Variants in ZNF438 observed in about 807,000 individuals in gnomAD.
ZNF438 encodes the protein zinc finger protein 438.
Under a neutral mutation model 38.0 loss-of-function variants are expected in ZNF438, and 25 were observed. That is an observed-to-expected ratio of 0.66 (90% confidence interval 0.48 to 0.92). ZNF438 has a LOEUF of 0.92. ZNF438 is among the 40% of genes least tolerant of loss of function. ZNF438 has a pLI of 0.00. For missense variants in ZNF438, 1,007 were observed against 999.6 expected (o/e 1.01, Z -0.10); for synonymous variants, 372 against 364.1 (o/e 1.02, Z -0.25).
At chr10:30,936,951 G>A (rs2046324329) in intron 2 of ZNF438, among the ~76,000 whole-genome samples, 1 of 152,132 alleles carries the variant, frequency 6.6e-6, no homozygotes, top group East Asian at 1.9e-4. Flanking sequence ...AAAGAGATAT[G>A]AAATGTTTCT....
chr10:30,872,425 C>CAAAAAAAAA lies in ZNF438; in HGVS notation c.37+4564_37+4572dup, dbSNP rs566401687. Reference sequence around the variant, plus strand: ...TGGGTGACAGAACAAGACTCTGTCTCAAAAAAAAAAAAAAAAAAAAAAAAA... The same window carrying CAAAAAAAAA: ...TGGGTGACAGAACAAGACTCTGTCTCAAAAAAAAAAAAAAAAAAAAAAAAAAAAAAAAAA... On this transcript the variant is annotated intron_variant, in intron 4 of 5. Transcript: ENST00000413025. Among the ~76,000 whole-genome samples, 14 of 58,696 alleles carry CAAAAAAAAA rather than the reference C, an allele frequency of 2.4e-4. No individual in the cohort carries two copies. In the East Asian group the frequency reaches 2.5e-3, roughly 10 times the overall value. 38.5% of individuals were successfully genotyped at this position (58,696 alleles called of 152,430 possible).
rs114672796 is a variant in ZNF438, at chr10:30,896,548, C to T, written c.-32+12385G>A. 9.9e-3 allele frequency among the ~76,000 whole-genome samples: 1,510 copies of T among 151,938 alleles called. 23 individuals carry two copies. The highest frequency in any genetic ancestry group is 0.034 in the African/African-American group (1,405 of 41,440). On this transcript the variant is annotated intron_variant, in intron 3 of 5. Transcript: ENST00000413025. ...GAGACTATGTTAAATGAAATAAGCC[C>T]GTCAGAAAAGGGCAAACATTGTATG...
chr10:30,999,844 G>T (rs61845166), intron 1 of ZNF438, among the ~76,000 whole-genome samples: 6 of 152,162 alleles, frequency 3.9e-5, no homozygotes, highest in African/African-American at 1.4e-4. Flanking sequence ...TACACCTAGA[G>T]ATTGTTCATA....
At chr10:30,863,939 G>A (rs1357716484) in intron 4 of ZNF438, among the ~76,000 whole-genome samples, 1 of 152,172 alleles carries the variant, frequency 6.6e-6, no homozygotes, top group Admixed American at 6.5e-5. Flanking sequence ...GTTCAAAACC[G>A]ATTCCACAGT....
intron 1 of ZNF438, among the ~76,000 whole-genome samples, chr10:31,026,113 T>G (rs1371721481): frequency 6.6e-6 from 1 of 152,170 alleles, no homozygotes; most frequent in Non-Finnish European, 1.5e-5. Flanking sequence ...GACTTACATG[T>G]TAGACCTAAA....
At chr10:30,935,468 C>T (rs939605143) in intron 2 of ZNF438, among the ~76,000 whole-genome samples, 6 of 152,026 alleles carry the variant, frequency 3.9e-5, no homozygotes, top group African/African-American at 7.2e-5. Flanking sequence ...GGAGGTGCCA[C>T]GCTCTTTTTA....
intron 3 of ZNF438, among the ~76,000 whole-genome samples, chr10:30,878,007 A>G (rs188411361): frequency 8.5e-4 from 130 of 152,338 alleles, no homozygotes; most frequent in African/African-American, 3.0e-3. Flanking sequence ...ACCAAAACAC[A>G]GACAGAACAT....
chr10:30,904,256 T>A (rs889181053), intron 3 of ZNF438, among the ~76,000 whole-genome samples: 1 of 152,246 alleles, frequency 6.6e-6, no homozygotes, highest in African/African-American at 2.4e-5. Flanking sequence ...AAGTTTATCA[T>A]GAAGGAAAAT....
intron 1 of ZNF438, among the ~76,000 whole-genome samples, chr10:30,942,879 G>C (rs1309160320): frequency 6.6e-6 from 1 of 152,206 alleles, no homozygotes; most frequent in South Asian, 2.1e-4. Flanking sequence ...CTGAAGTCAC[G>C]AAAGAAGAGC....
At chr10:30,853,147 T>C (rs1588769069) in intron 4 of ZNF438, among the ~76,000 whole-genome samples, 1 of 152,198 alleles carries the variant, frequency 6.6e-6, no homozygotes, top group Non-Finnish European at 1.5e-5. Flanking sequence ...AGATCTGGGG[T>C]GTGGAAGGAA....
chr10:30,889,734 T>A (rs2040440351), intron 3 of ZNF438, among the ~76,000 whole-genome samples: 1 of 152,164 alleles, frequency 6.6e-6, no homozygotes, highest in South Asian at 2.1e-4. Flanking sequence ...TGTCAGTCAT[T>A]GAACTAGACT....
At chr10:30,927,634 A>G (rs1247321727) in intron 2 of ZNF438, among the ~76,000 whole-genome samples, 3 of 152,242 alleles carry the variant, frequency 2.0e-5, no homozygotes, top group African/African-American at 7.2e-5. Flanking sequence ...TAACTGGCCT[A>G]ATGCAGTAAA....
At chr10:30,884,981 T>C (rs1401996314) in intron 3 of ZNF438, among the ~76,000 whole-genome samples, 1 of 152,236 alleles carries the variant, frequency 6.6e-6, no homozygotes, top group Non-Finnish European at 1.5e-5. Context: ...CATGTATAAG[T>C]GCATGCTCTT....
chr10:30,916,589 AT>A (rs1180230900), intron 2 of ZNF438, among the ~76,000 whole-genome samples: 1 of 151,692 alleles, frequency 6.6e-6, no homozygotes, highest in East Asian at 1.9e-4. Flanking sequence ...ATCTTGCTTA[AT>A]TTTGCAAGAT....
intron 1 of ZNF438, among the ~76,000 whole-genome samples, chr10:30,944,654 T>C (rs868179596): frequency 6.6e-6 from 1 of 152,196 alleles, no homozygotes; most frequent in Non-Finnish European, 1.5e-5. Flanking sequence ...CTAACAGATA[T>C]AGCAGCATTC....
intron 3 of ZNF438, among the ~76,000 whole-genome samples, chr10:30,881,788 T>C (rs1046609136): frequency 6.6e-6 from 1 of 152,140 alleles, no homozygotes; most frequent in African/African-American, 2.4e-5. Context: ...TACACAGATA[T>C]GTATTTTCAT....
At chr10:31,011,795 G>A (rs754928134) in intron 1 of ZNF438, among the ~76,000 whole-genome samples, 2 of 152,220 alleles carry the variant, frequency 1.3e-5, no homozygotes, top group Non-Finnish European at 2.9e-5. Flanking sequence ...CAGCCAGTAT[G>A]AGCCTTCAGA....
chr10:30,956,850 G>A (rs553022764), intron 1 of ZNF438, among the ~76,000 whole-genome samples: 33 of 152,248 alleles, frequency 2.2e-4, no homozygotes, highest in African/African-American at 7.9e-4. Flanking sequence ...ATAAACATAG[G>A]AGGGCAGGTA....
chr10:30,942,103 C>T lies in ZNF438; in HGVS notation c.-191-452G>A, dbSNP rs16932074. ...GCGATGTAGTAAGTGCTACAAGTGA[C>T]ACAAGGCGCTACGGGATTTTGGAGC... is the stretch of plus-strand genomic sequence containing the variant. On this transcript the variant is annotated intron_variant, in intron 1 of 5. Coordinates refer to ENST00000413025, the Ensembl canonical transcript of ZNF438. Among the ~76,000 whole-genome samples, 236 of 152,250 alleles carry T rather than the reference C, an allele frequency of 1.6e-3. 2 individuals are homozygous for T. Among genetic ancestry groups the T allele is most frequent in the Admixed American group, 0.014 (213 of 15,298 alleles).
Sources: allele counts gnomAD v4.1 joint callset (sites outside exome capture counted in the v4.1 genomes callset), GRCh38; gene constraint gnomAD v4.1.1; transcripts MANE v1.5; gene names NCBI Gene and HGNC (gene_info 2026-07-23, HGNC 2026-07-21).